JMJD1C: variants seen among roughly 807,000 people sequenced by gnomAD.
JMJD1C encodes the protein jumonji domain-containing protein 1C.
Under a neutral mutation model 245.3 loss-of-function variants are expected in JMJD1C, and 31 were observed. The ratio of observed to expected loss-of-function variants is 0.13; its 90% confidence interval spans 0.09 to 0.17. The LOEUF (loss-of-function observed/expected upper bound fraction) is 0.17, where lower values mean the gene tolerates loss of function less well. JMJD1C is among the 10% of genes least tolerant of loss of function. The pLI, the probability that JMJD1C is intolerant of heterozygous loss-of-function variation, is 1.00. For missense variants in JMJD1C, 2,691 were observed against 3,000.2 expected, an observed-to-expected ratio of 0.90 and a Z score of 2.41; for synonymous variants, 1,057 against 1,017.4, an observed-to-expected ratio of 1.04 and a Z score of -0.74.
rs370824940 is a variant in JMJD1C, at chr10:63,355,221, C to A, written c.333+25097G>T. Among the ~76,000 whole-genome samples the A allele has an allele frequency of 4.6e-5, 7 of 152,072 alleles. 1 individual carries two copies. In the South Asian group the frequency reaches 8.3e-4, roughly 18 times the overall value. ...AAGAAATTGCATTAAAAAACAAAAT[C>A]AGGGAGGCCCCTGAGGACCCATCAC... is the stretch of plus-strand genomic sequence containing the variant. On this transcript the variant is annotated intron_variant, in intron 2 of 25. Coordinates refer to ENST00000399262, the MANE Select transcript of JMJD1C (RefSeq NM_032776.3).
chr10:63,353,999 C>T (rs1468702796), intron 2 of JMJD1C, among the ~76,000 whole-genome samples: 2 of 152,116 alleles, frequency 1.3e-5, no homozygotes, highest in Non-Finnish European at 2.9e-5. Flanking sequence ...CACCACCACA[C>T]CCAGCTAATT....
chr10:63,177,622 T>TGGTCTTATATTGTTGAATGCCAAGTGAA, intron 23 of JMJD1C, 95 bp downstream of exon 23: 1 of 1,286,010 alleles, frequency 7.8e-7, no homozygotes, highest in Non-Finnish European at 1.1e-6. Flanking sequence ...AATTATGTAA[T>TGGTCTTATATTGTTGAATGCCAAGTGAA]GGTCTTATAT....
At chr10:63,514,804 A>T (rs1954969218) in intron 1 of JMJD1C, among the ~76,000 whole-genome samples, 1 of 152,144 alleles carries the variant, frequency 6.6e-6, no homozygotes, top group Non-Finnish European at 1.5e-5. Flanking sequence ...AAAAATACGT[A>T]AAAAAATTTC....
intron 2 of JMJD1C, among the ~76,000 whole-genome samples, chr10:63,376,527 A>G (rs1215439287): frequency 1.3e-5 from 2 of 152,218 alleles, no homozygotes; most frequent in African/African-American, 4.8e-5. Flanking sequence ...CATGTATCTA[A>G]AAGGGGATTA....
At chr10:63,509,159 C>T (rs1299047194) in intron 1 of JMJD1C, among the ~76,000 whole-genome samples, 1 of 152,116 alleles carries the variant, frequency 6.6e-6, no homozygotes, top group Non-Finnish European at 1.5e-5. Flanking sequence ...TTATCAAATG[C>T]TTTTTCTGAA....
upstream of JMJD1C, among the ~76,000 whole-genome samples, chr10:63,470,733 A>G (rs1953464346): frequency 6.6e-6 from 1 of 152,208 alleles, no homozygotes; most frequent in South Asian, 2.1e-4. Flanking sequence ...GGAGGGAAAG[A>G]GAAGAAAAAA....
At chr10:63,263,585 C>A (rs1048125435) in intron 3 of JMJD1C, among the ~76,000 whole-genome samples, 3 of 152,146 alleles carry the variant, frequency 2.0e-5, no homozygotes, top group Admixed American at 2.0e-4. Context: ...TTTAAAACAT[C>A]TGAGTAAAAA....
chr10:63,243,566 A>T (rs1851795938), intron 3 of JMJD1C, among the ~76,000 whole-genome samples: 1 of 152,158 alleles, frequency 6.6e-6, no homozygotes, highest in African/African-American at 2.4e-5. Flanking sequence ...GCAACTTCTG[A>T]TTTTAAATAA....
At chr10:63,191,843 G>A (rs1406230926) in intron 16 of JMJD1C, among the ~76,000 whole-genome samples, 2 of 151,386 alleles carry the variant, frequency 1.3e-5, no homozygotes, top group African/African-American at 4.9e-5. Flanking sequence ...AAATCAGCTG[G>A]GCATTGTGGC....
chr10:63,324,541 A>G (rs566756015), intron 2 of JMJD1C, among the ~76,000 whole-genome samples: 2 of 152,326 alleles, frequency 1.3e-5, no homozygotes, highest in East Asian at 3.9e-4. Context: ...AAAGAAGCCT[A>G]GAGGAAAGAA....
At chr10:63,321,401 A>T (rs1389751812) in intron 2 of JMJD1C, among the ~76,000 whole-genome samples, 1 of 152,172 alleles carries the variant, frequency 6.6e-6, no homozygotes, top group Admixed American at 6.6e-5. Flanking sequence ...GTCTTGTGAG[A>T]TTGAGTCCTC....
intron 2 of JMJD1C, among the ~76,000 whole-genome samples, chr10:63,375,350 A>G (rs1018483933): frequency 6.6e-6 from 1 of 151,848 alleles, no homozygotes; most frequent in East Asian, 1.9e-4. Context: ...ACTAGTTTCT[A>G]TATAACAATA....
rs553785292 is a variant in JMJD1C, at chr10:63,238,097, C to T, written c.448-18114G>A. Among the ~76,000 whole-genome samples, 238 of 143,040 alleles carry T rather than the reference C, an allele frequency of 1.7e-3. 2 individuals are homozygous for T. The highest frequency in any genetic ancestry group is 0.012 in the Middle Eastern group (3 of 258). 93.8% of individuals were successfully genotyped at this position (143,040 alleles called of 152,430 possible). A position where few individuals can be genotyped will look rare whatever the true frequency, so the allele number is the denominator to read the frequency against. On this transcript the variant is annotated intron_variant, in intron 3 of 25. Transcript: ENST00000399262. The stretch of plus-strand genomic sequence containing the variant: ...TTGGGAGGCTGAGGCATGAGAATCG[C>T]TTGAACCTGGGAGGTGGAGGTTGCA...
At chr10:63,466,182 G>A, upstream of JMJD1C, 1 of 188,152 alleles carries the variant, frequency 5.3e-6, no homozygotes, top group Non-Finnish European at 1.1e-5. Flanking sequence ...AAATGAAGAG[G>A]GCCGCGGGAA....
At chr10:63,293,022 CGA>C (rs1858963822) in intron 2 of JMJD1C, among the ~76,000 whole-genome samples, 1 of 152,150 alleles carries the variant, frequency 6.6e-6, no homozygotes, top group African/African-American at 2.4e-5. Flanking sequence ...CCAGCCTAGG[CGA>C]GAGTGAGACT....
In JMJD1C at chr10:63,474,855, T is replaced by C. The variant is rs1420750311; in HGVS notation, n.113+46883A>G. ...GTCCAGTCAGCCTACTCTCAAATTA[T>C]TAAAAAAAAAAAAGAATGAGTAATA... is the stretch of plus-strand genomic sequence containing the variant. On this transcript the variant is annotated intron_variant and non_coding_transcript_variant, in intron 1 of 3. Transcript: ENST00000633035. Among the ~76,000 whole-genome samples, 3 of 142,974 alleles carry C rather than the reference T, an allele frequency of 2.1e-5. No individual in the cohort carries two copies. In the South Asian group the frequency reaches 7.1e-4, roughly 34 times the overall value. 93.8% of individuals were successfully genotyped at this position (142,974 alleles called of 152,430 possible).
chr10:63,189,093 C>G, intron 18 of JMJD1C, 75 bp downstream of exon 18: 1 of 1,289,800 alleles, frequency 7.8e-7, no homozygotes. Flanking sequence ...CATTTCTATT[C>G]CTAAGGAGGG....
intron 1 of JMJD1C, among the ~76,000 whole-genome samples, chr10:63,407,456 T>TA (rs1463873390): frequency 2.0e-5 from 3 of 152,090 alleles, no homozygotes; most frequent in African/African-American, 7.2e-5. Flanking sequence ...CTAACCACTT[T>TA]AAAAAAATCT....
intron 16 of JMJD1C, among the ~76,000 whole-genome samples, chr10:63,192,688 T>A (rs886959432): frequency 1.3e-5 from 2 of 152,154 alleles, no homozygotes; most frequent in Non-Finnish European, 2.9e-5. Flanking sequence ...TGAGCAACGA[T>A]TGTGCCACTG....
Sources: allele counts gnomAD v4.1 joint callset (sites outside exome capture counted in the v4.1 genomes callset), GRCh38; gene constraint gnomAD v4.1.1; transcripts MANE v1.5; gene names NCBI Gene and HGNC (gene_info 2026-07-23, HGNC 2026-07-21).